Variants in ABCC10 observed in about 807,000 individuals in gnomAD.
ABCC10 encodes the protein ATP binding cassette subfamily C member 10.
In ABCC10, 110 loss-of-function variants were observed where a neutral mutation model predicts 143.2. The observed-to-expected ratio is 0.77, with a 90% CI of 0.66 to 0.90. The LOEUF is 0.90. Among genes scored for constraint, ABCC10 ranks in the 40% least tolerant of loss-of-function variants. The pLI is 0.00. For missense variants in ABCC10, 1,700 were observed against 1,900.5 expected, an observed-to-expected ratio of 0.89 and a Z score of 1.96; for synonymous variants, 805 against 846.7, an observed-to-expected ratio of 0.95 and a Z score of 0.85.
chr6:43,432,010 T>C, intron 2 of ABCC10, 132 bp from the exon 3 acceptor site: 1 of 1,459,670 alleles, frequency 6.9e-7, no homozygotes, highest in South Asian at 1.5e-5. Flanking sequence ...TGAGGTAAAG[T>C]GGAGTAGGGA....
chr6:43,450,499 G>A (rs1783645418), downstream of ABCC10: 5 of 1,522,160 alleles, frequency 3.3e-6, no homozygotes. This position sits in a 1 kb window ranked among gnomAD's most constrained non-coding sequence, Gnocchi z 4.5. Context: ...TCTGAGGGGT[G>A]GAAGAGGTGA....
At position 43,445,775 on chromosome 6, in the gene ABCC10, C is replaced by T. The variant is rs776160902; in HGVS notation, c.3207C>T (p.Leu1069=). The T allele has an allele frequency of 1.8e-5, 29 of 1,614,020 alleles. No individual in the cohort carries two copies. Among genetic ancestry groups the T allele is most frequent in the Non-Finnish European group, 2.2e-5 (26 of 1,180,044 alleles). The change falls in exon 15 of 22, where the codon CTC becomes CTT. Residue 1069 remains leucine, a synonymous_variant. Transcript: ENST00000372530. ...GCTCTGGCCTGCCCTGGCTGCTGCT[C>T]CTGCTGCCGCCTTTGAGCATCATGT... ...VLGSGLPWLL[L]LLPPLSIMYY...
Position 43,428,145 on chromosome 6 carries a change from T to C in ABCC10, c.161+6T>C. On this transcript the variant is annotated splice_donor_region_variant and intron_variant, in intron 2 of 21. Coordinates refer to ENST00000372530, the MANE Select transcript of ABCC10 (RefSeq NM_001198934.2). ...TGTTACTTGGGCACCCCGAGGTGGG[T>C]AGAGACGGGCGCAAGGCATCTGTCC... The C allele has an allele frequency of 6.6e-7, 1 of 1,524,556 alleles. No homozygotes were observed. Among genetic ancestry groups the C allele is most frequent in the East Asian group, 2.5e-5 (1 of 40,574 alleles). 94.4% of individuals were successfully genotyped at this position (1,524,556 alleles called of 1,614,324 possible). A position where few individuals can be genotyped will look rare whatever the true frequency, so the allele number is the denominator to read the frequency against.
In ABCC10 at chr6:43,445,591, T is replaced by C. The variant is rs1782967797; in HGVS notation, c.3031-8T>C. 1.9e-6 allele frequency: 3 copies of C among 1,607,362 alleles called. No homozygotes were observed. The highest frequency in any genetic ancestry group is 2.6e-6 in the Non-Finnish European group (3 of 1,174,900). On this transcript the variant is annotated splice_polypyrimidine_tract_variant and splice_region_variant and intron_variant, in intron 14 of 21. Transcript: ENST00000372530. The stretch of plus-strand genomic sequence containing the variant: ...TCTGCCCTGGCCCAATCAGCGTCCT[T>C]CTCCCAGGCACCAGTGACTTTCTTC...
At chr6:43,434,906 G>A in intron 4 of ABCC10, 58 bp downstream of exon 4, 1 of 1,557,720 alleles carries the variant, frequency 6.4e-7, no homozygotes, top group South Asian at 1.1e-5. Flanking sequence ...AGTGAAGACA[G>A]AGGCTTGGGC....
chr6:43,450,911 C>T, downstream of ABCC10: 2 of 1,614,196 alleles, frequency 1.2e-6, no homozygotes, highest in Non-Finnish European at 1.7e-6. The surrounding 1 kb of genome is among the most constrained non-coding windows in gnomAD (Gnocchi z 4.5). Context: ...GAGGGGTGTC[C>T]ACTGTGGTTG....
chr6:43,434,520 A>G, intron 3 of ABCC10, 101 bp from the exon 4 acceptor site: 1 of 1,059,562 alleles, frequency 9.4e-7, no homozygotes, highest in Non-Finnish European at 1.4e-6. Context: ...CTGGGAGCTT[A>G]GAGTACTGAA....
chr6:43,449,272 A>G (rs1783489238), intron 20 of ABCC10, 68 bp downstream of exon 20: 1 of 1,564,966 alleles, frequency 6.4e-7, no homozygotes, highest in Non-Finnish European at 8.7e-7. Flanking sequence ...GTGGGGAGGT[A>G]GAGTGGGGAG....
In ABCC10 at chr6:43,448,910, C is replaced by A; in HGVS notation, c.3989C>A (p.Pro1330His). The A allele has an allele frequency of 6.2e-7, 1 of 1,614,072 alleles. No individual in the cohort carries two copies. Among genetic ancestry groups the A allele is most frequent in the South Asian group, 1.1e-5 (1 of 91,062 alleles). The change falls in exon 19 of 22, where the codon CCC becomes CAC. Residue 1330 changes from proline to histidine, a missense_variant. Transcript: ENST00000372530. The part of the protein sequence containing the change: ...RSQLAIIPQE[P>H]FLFSGTVREN... ...CAGTTGGCTATCATCCCCCAGGAGC[C>A]CTTTTTGTTCAGTGGGACTGTTCGG...
In ABCC10 at chr6:43,428,049, C is replaced by T. The variant is rs1307871453; in HGVS notation, c.71C>T (p.Thr24Ile). The change falls in exon 2 of 22, where the codon ACC becomes ATC. Residue 24 changes from threonine (T) to isoleucine (I), a missense_variant. Thr to Ile is a moderately conservative substitution (Grantham distance 89). Transcript: ENST00000372530. The stretch of plus-strand genomic sequence containing the variant: ...CCGCTCCCGCTGTGGGAGGGGGACA[C>T]CACAGGCCACTGCTTCACCCAGCTG... ...AWPLPLWEGD[T>I]TGHCFTQLVL... 12 of 1,597,348 alleles carry T rather than the reference C, an allele frequency of 7.5e-6. No homozygotes were observed. Among genetic ancestry groups the T allele is most frequent in the Non-Finnish European group, 9.4e-6 (11 of 1,172,952 alleles).
chr6:43,427,864 G>A, intron 1 of ABCC10, 104 bp from the exon 2 acceptor site: 1 of 1,360,190 alleles, frequency 7.4e-7, no homozygotes, highest in Non-Finnish European at 1.0e-6. Context: ...GCGACGGGCG[G>A]TCCCGGTTCC....
rs937797499 is a variant in ABCC10 at position 43,442,650 on chromosome 6, G to A, written c.2227-320G>A. 4.6e-5 allele frequency among the ~76,000 whole-genome samples: 7 copies of A among 152,116 alleles called. No individual in the cohort carries two copies. In the East Asian group the frequency reaches 1.4e-3, roughly 29 times the overall value. On this transcript the variant is annotated intron_variant, in intron 9 of 21. Coordinates refer to ENST00000372530, the MANE Select transcript of ABCC10 (RefSeq NM_001198934.2). ...GAGGCTGAGGTGGGAAGGATCACTT[G>A]AGCCTGGGAAATTGAGGCTGCAGTG...
chr6:43,432,993 C>T lies in ABCC10; in HGVS notation c.1013C>T (p.Ala338Val), dbSNP rs768546118. The change falls in exon 3 of 22, where the codon GCT (alanine) becomes GTT (valine). Residue 338 changes from alanine to valine, a missense_variant. Ala to Val is a moderately conservative substitution (Grantham distance 64, BLOSUM62 0). Coordinates refer to ENST00000372530, the MANE Select transcript of ABCC10 (RefSeq NM_001198934.2). ...LGLAGGAVLG[A>V]VLQNQYGYEV... The stretch of plus-strand genomic sequence containing the variant: ...CTAGCCGGTGGGGCTGTGCTGGGTG[C>T]TGTGCTGCAGAATCAGTATGGGTAT... 2.5e-6 allele frequency: 4 copies of T among 1,614,106 alleles called. No homozygotes were observed. The East Asian group carries it at 8.9e-5, about 36-fold the overall frequency.
chr6:43,432,550 A>G lies in ABCC10; in HGVS notation c.570A>G (p.Ala190=). 1 of 1,613,184 alleles carries G rather than the reference A, an allele frequency of 6.2e-7. No homozygotes were observed. The highest frequency in any genetic ancestry group is 8.5e-7 in the Non-Finnish European group (1 of 1,180,016). Reference sequence around the variant, plus strand: ...TCTTGGCCTATGCACTGGGATGGGCAGCTCCTGGGGGACCACGAGAACCCT... The same window carrying G: ...TCTTGGCCTATGCACTGGGATGGGCGGCTCCTGGGGGACCACGAGAACCCT... The part of the protein sequence containing the change: ...AALLAYALGW[A]APGGPREPWA... Residue 190 remains alanine (A), a synonymous_variant, in exon 3 of 22, where the codon GCA becomes GCG. Coordinates refer to ENST00000372530, the MANE Select transcript of ABCC10 (RefSeq NM_001198934.2).
chr6:43,451,792 A>G, downstream of ABCC10: 2 of 1,421,774 alleles, frequency 1.4e-6, no homozygotes, highest in South Asian at 3.1e-5. The surrounding 1 kb of genome is among the most constrained non-coding windows in gnomAD (Gnocchi z 4.4). Context: ...TGAACTAGGA[A>G]CACTTTGGCA....
At chr6:43,438,414 G>GTACTTACAA in intron 7 of ABCC10, 3 of 1,426,586 alleles carry the variant, frequency 2.1e-6, no homozygotes, top group Non-Finnish European at 2.7e-6. Flanking sequence ...CTGCTTGGCT[G>GTACTTACAA]TAGCCAAAGA....
chr6:43,433,510 G>T, intron 3 of ABCC10, 150 bp downstream of exon 3: 1 of 1,346,620 alleles, frequency 7.4e-7, no homozygotes, highest in Non-Finnish European at 9.7e-7. Flanking sequence ...TTCAAATCCT[G>T]GCTCTACACT....
chr6:43,440,037 A>G (rs917411799), intron 8 of ABCC10, among the ~76,000 whole-genome samples: 2 of 151,790 alleles, frequency 1.3e-5, no homozygotes, highest in Non-Finnish European at 2.9e-5. Context: ...GCTTACTGCA[A>G]CCTTTGCCGC....
chr6:43,444,646 G>A lies in ABCC10; in HGVS notation c.2690-142G>A. On this transcript the variant is annotated intron_variant, in intron 12 of 21. Transcript: ENST00000372530. ...GAAGCCCACACTAGGGAGGATATGG[G>A]GTAGTGGCAGGGTGGGGAGGCCAGG... The A allele has an allele frequency of 4.9e-6, 6 of 1,215,790 alleles. 1 individual carries two copies. Among genetic ancestry groups the A allele is most frequent in the South Asian group, 4.4e-5 (3 of 67,698 alleles). The allele number at this position is 1,215,790 out of a possible 1,614,324, so 75.3% of individuals were successfully genotyped here. A position where few individuals can be genotyped will look rare whatever the true frequency, so the allele number is the denominator to read the frequency against.
Sources: gnomAD v4.1 joint callset for allele counts (sites outside exome capture counted in the v4.1 genomes callset) on GRCh38, gnomAD v4.1.1 for gene constraint, Gnocchi (gnomAD v3.1) non-coding constraint, MANE v1.5 for transcripts, NCBI Gene and HGNC (gene_info 2026-07-23, HGNC 2026-07-21) for gene names.